GPX2: variants seen among roughly 807,000 people sequenced by gnomAD.
GPX2 encodes gastrointestinal glutathione peroxidase.
In GPX2, 21 loss-of-function variants were observed where a neutral mutation model predicts 14.1. That is an observed-to-expected ratio of 1.48 (90% CI 1.05 to 2.14). The LOEUF (loss-of-function observed/expected upper bound fraction) is 2.14, where lower values mean the gene tolerates loss of function less well. Among genes scored for constraint, GPX2 ranks in the 30% most tolerant of loss-of-function variants. The pLI is 0.00. For synonymous variants in GPX2, 94 were observed against 95.2 expected (o/e 0.99, Z 0.07); for missense variants, 241 against 249.8 (o/e 0.96, Z 0.24).
At position 64,940,500 on chromosome 14, in the gene GPX2, A is replaced by T. The variant is rs1458347853; in HGVS notation, c.223-662T>A. Among the ~76,000 whole-genome samples, 2 of 152,210 alleles carry T rather than the reference A, an allele frequency of 1.3e-5. No homozygotes were observed. The highest frequency in any genetic ancestry group is 4.8e-5 in the African/African-American group (2 of 41,458). ...CTAGAACTGAAGTACAAATGGGAAG[A>T]AGCTTTGATGAAGGAAGACCCCCAT... On this transcript the variant is annotated intron_variant, in intron 1 of 1. Transcript: ENST00000389614. The surrounding 1 kb of genome is among the most constrained non-coding windows in gnomAD (Gnocchi z 4.5).
At position 64,939,755 on chromosome 14, in the gene GPX2, G is replaced by C. The variant is rs768847590; in HGVS notation, c.306C>G (p.Val102=). 1 of 1,613,960 alleles carries C rather than the reference G, an allele frequency of 6.2e-7. No individual in the cohort carries two copies. The highest frequency in any genetic ancestry group is 1.1e-5 in the South Asian group (1 of 91,088). ...TCTGCCCATTCACCTCACATTTTTGGACAAGGGTGAAGGTGGGCTGGTATC... is the reference window on the plus strand; with the variant it reads ...TCTGCCCATTCACCTCACATTTTTGCACAAGGGTGAAGGTGGGCTGGTATC... ...GGGYQPTFTL[V]QKCEVNGQNE... The change falls in exon 2 of 2, where the codon GTC becomes GTG. Residue 102 remains valine (V), a synonymous_variant. Transcript: ENST00000389614. The surrounding 1 kb of genome is among the most constrained non-coding windows in gnomAD (Gnocchi z 5.7).
At position 64,942,631 on chromosome 14, in the gene GPX2, C is replaced by T. The variant is rs765433400; in HGVS notation, c.96G>A (p.Leu32=). The change falls in exon 1 of 2, where the codon CTG becomes CTA. Residue 32 remains leucine (L), a synonymous_variant. Transcript: ENST00000389614. ...CTCAGAGCGAAGCCACATTCTCAAT[C>T]AGCACGGCCCTGCCCCGGAACGTAT... ...DFNTFRGRAV[L]IENVASLUGT... 1 of 1,614,222 alleles carries T rather than the reference C, an allele frequency of 6.2e-7. No individual in the cohort carries two copies. The highest frequency in any genetic ancestry group is 8.5e-7 in the Non-Finnish European group (1 of 1,180,040).
Position 64,940,532 on chromosome 14 carries a change from A to T in GPX2, c.223-694T>A, listed in dbSNP as rs1444257715. 6.6e-6 allele frequency among the ~76,000 whole-genome samples: 1 copy of T among 152,202 alleles called. No individual in the cohort carries two copies. Among genetic ancestry groups the T allele is most frequent in the Non-Finnish European group, 1.5e-5 (1 of 68,036 alleles). On this transcript the variant is annotated intron_variant, in intron 1 of 1. Coordinates refer to ENST00000389614, the MANE Select transcript of GPX2 (RefSeq NM_002083.4). The surrounding 1 kb of genome is among the most constrained non-coding windows in gnomAD (Gnocchi z 4.5). ...GATGAAGGAAGACCCCCATCCAAGA[A>T]CATCTAGTTTTCAGGTGCCATAACA... is the stretch of plus-strand genomic sequence containing the variant.
In GPX2 at chr14:64,940,031, T is replaced by G; in HGVS notation, c.223-193A>C. Reference sequence around the variant, plus strand: ...TTCTGGGCTCAAGCATTCCTCCTGCTTCAGCCTCTTTAGTAGCTGAGACTA... The same window carrying G: ...TTCTGGGCTCAAGCATTCCTCCTGCGTCAGCCTCTTTAGTAGCTGAGACTA... On this transcript the variant is annotated intron_variant, in intron 1 of 1. Coordinates refer to ENST00000389614, the MANE Select transcript of GPX2 (RefSeq NM_002083.4). The surrounding 1 kb of genome is among the most constrained non-coding windows in gnomAD (Gnocchi z 4.5). 2 of 1,479,892 alleles carry G rather than the reference T, an allele frequency of 1.4e-6. No individual in the cohort carries two copies. The highest frequency in any genetic ancestry group is 1.3e-5 in the South Asian group (1 of 75,690). The allele number at this position is 1,479,892 out of a possible 1,614,324, so 91.7% of individuals were successfully genotyped here.
chr14:64,939,225 A>G lies in GPX2; in HGVS notation c.*263T>C. On this transcript the variant is annotated 3_prime_UTR_variant, in exon 2 of 2. Transcript: ENST00000389614. The surrounding 1 kb of genome is among the most constrained non-coding windows in gnomAD (Gnocchi z 5.7). ...TCCAGGCCCTTCACGCCTCTCAGAC[A>G]CCACCCATGAGGGTTTAGGAAGGTG... The G allele has an allele frequency of 2.2e-6, 1 of 456,814 alleles. No homozygotes were observed. Among genetic ancestry groups the G allele is most frequent in the Non-Finnish European group, 4.0e-6 (1 of 250,890 alleles). 28.3% of individuals were successfully genotyped at this position (456,814 alleles called of 1,614,324 possible).
Position 64,939,725 on chromosome 14 carries a change from C to T in GPX2, c.336G>A (p.Glu112=), listed in dbSNP as rs945934999. ...CCTTCAGGTAGGCGAAGACAGGATG[C>T]TCGTTCTGCCCATTCACCTCACATT... is the stretch of plus-strand genomic sequence containing the variant. ...VQKCEVNGQN[E]HPVFAYLKDK... is the part of the protein sequence containing the mutation. The change falls in exon 2 of 2, where the codon GAG becomes GAA. Residue 112 remains glutamate (E), a synonymous_variant. Coordinates refer to ENST00000389614, the MANE Select transcript of GPX2 (RefSeq NM_002083.4). The surrounding 1 kb of genome is among the most constrained non-coding windows in gnomAD (Gnocchi z 5.7). The T allele has an allele frequency of 6.2e-7, 1 of 1,613,980 alleles. No individual in the cohort carries two copies. Among genetic ancestry groups the T allele is most frequent in the Non-Finnish European group, 8.5e-7 (1 of 1,180,040 alleles).
At position 64,940,649 on chromosome 14, in the gene GPX2, G is replaced by C. The variant is rs1885582441; in HGVS notation, c.223-811C>G. Among the ~76,000 whole-genome samples, 2 of 152,222 alleles carry C rather than the reference G, an allele frequency of 1.3e-5. No homozygotes were observed. The highest frequency in any genetic ancestry group is 2.1e-4 in the South Asian group (1 of 4,828). ...TGAAGTAAATAGGATACAGGATTTA[G>C]GGTTTGGCAATAGGCCAGGGGGAGG... is the stretch of plus-strand genomic sequence containing the variant. On this transcript the variant is annotated intron_variant, in intron 1 of 1. Coordinates refer to ENST00000389614, the MANE Select transcript of GPX2 (RefSeq NM_002083.4). The surrounding 1 kb of genome is among the most constrained non-coding windows in gnomAD (Gnocchi z 4.5).
Position 64,940,063 on chromosome 14 carries a change from C to A in GPX2, c.223-225G>T, listed in dbSNP as rs1885543798. On this transcript the variant is annotated intron_variant, in intron 1 of 1. Transcript: ENST00000389614. The surrounding 1 kb of genome is among the most constrained non-coding windows in gnomAD (Gnocchi z 4.5). ...TCTTTAGTAGCTGAGACTACAGACACAGGCCACCATGCCCGGCTAATTTTT... is the reference window on the plus strand; with the variant it reads ...TCTTTAGTAGCTGAGACTACAGACAAAGGCCACCATGCCCGGCTAATTTTT... 1 of 1,470,106 alleles carries A rather than the reference C, an allele frequency of 6.8e-7. No individual in the cohort carries two copies. The allele number at this position is 1,470,106 out of a possible 1,614,324, so 91.1% of individuals were successfully genotyped here.
chr14:64,942,576 T>C lies in GPX2; in HGVS notation c.151A>G (p.Asn51Asp), dbSNP rs1180322724. 10 of 1,614,194 alleles carry C rather than the reference T, an allele frequency of 6.2e-6. No homozygotes were observed. The highest frequency in any genetic ancestry group is 6.8e-6 in the Non-Finnish European group (8 of 1,180,032). The change falls in exon 1 of 2, where the codon AAC (asparagine) becomes GAC (aspartate). Residue 51 changes from asparagine (N) to aspartate (D), a missense_variant. Transcript: ENST00000389614. ...GTTTRDFTQLNELQCRFPRRL... is the reference protein window; with the variant it reads ...GTTTRDFTQLDELQCRFPRRL... ...CTGGGAAAGCGGCATTGCAGCTCGT[T>C]GAGCTGGGTGAAGTCCCGGGTGGTT... is the stretch of plus-strand genomic sequence containing the variant.
At chr14:64,941,711 C>G (rs1885650169) in intron 1 of GPX2, among the ~76,000 whole-genome samples, 1 of 152,168 alleles carries the variant, frequency 6.6e-6, no homozygotes. Context: ...ATTCTCCCTG[C>G]TTGTACGTTA....
At chr14:64,941,365 G>C (rs1885627635) in intron 1 of GPX2, 1 of 1,275,712 alleles carries the variant, frequency 7.8e-7, no homozygotes, top group African/African-American at 1.5e-5. Context: ...ACTGTACCCT[G>C]GCAGATTTCT....
chr14:64,941,718 G>A (rs899840682), intron 1 of GPX2, among the ~76,000 whole-genome samples: 3 of 152,124 alleles, frequency 2.0e-5, no homozygotes, highest in African/African-American at 4.8e-5. Flanking sequence ...CTGCTTGTAC[G>A]TTAAAATCAT....
In GPX2 at chr14:64,940,155, A is replaced by G. The variant is rs778270141; in HGVS notation, c.223-317T>C. The stretch of plus-strand genomic sequence containing the variant: ...CTTTGGCTGCTCTTCAAGATTTAGC[A>G]CTTCTGAGCTGTTGCTTTTGTCTCC... On this transcript the variant is annotated intron_variant, in intron 1 of 1. Transcript: ENST00000389614. The surrounding 1 kb of genome is among the most constrained non-coding windows in gnomAD (Gnocchi z 4.5). The G allele has an allele frequency of 2.7e-4, 359 of 1,348,694 alleles. No homozygotes were observed. Among genetic ancestry groups the G allele is most frequent in the Non-Finnish European group, 3.3e-4 (340 of 1,029,000 alleles). The allele number at this position is 1,348,694 out of a possible 1,614,324, so 83.5% of individuals were successfully genotyped here. A position where few individuals can be genotyped will look rare whatever the true frequency, so the allele number is the denominator to read the frequency against.
rs1327784496 is a variant in GPX2 at position 64,939,782 on chromosome 14, A to AC, written c.278dup (p.Gly94TrpfsTer?). The AC allele has an allele frequency of 2.5e-6, 4 of 1,613,758 alleles. No individual in the cohort carries two copies. In the East Asian group the frequency reaches 8.9e-5, roughly 36 times the overall value. On this transcript the variant is annotated frameshift_variant, in exon 2 of 2. Transcript: ENST00000389614. LOFTEE classifies it high-confidence loss of function. The surrounding 1 kb of genome is among the most constrained non-coding windows in gnomAD (Gnocchi z 5.7). ...CAAGGGTGAAGGTGGGCTGGTATCC[A>AC]CCCCCAGGACGGACATACTTGAGAC...
chr14:64,940,208 T>G lies in GPX2; in HGVS notation c.223-370A>C. On this transcript the variant is annotated intron_variant, in intron 1 of 1. Coordinates refer to ENST00000389614, the MANE Select transcript of GPX2 (RefSeq NM_002083.4). This position sits in a 1 kb window ranked among gnomAD's most constrained non-coding sequence, Gnocchi z 4.5. ...TCTACCCTGAGCAGTTCTTAAGGTG[T>G]TTGAAGCAGAAGAAAGAGAAAAGAG... The G allele has an allele frequency of 7.7e-7, 1 of 1,304,090 alleles. No individual in the cohort carries two copies. The highest frequency in any genetic ancestry group is 1.0e-6 in the Non-Finnish European group (1 of 998,564). 80.8% of individuals were successfully genotyped at this position (1,304,090 alleles called of 1,614,324 possible).
Position 64,942,486 on chromosome 14 carries a change from A to T in GPX2, c.222+19T>A, listed in dbSNP as rs1800669. 40,624 of 1,604,084 alleles carry T rather than the reference A, an allele frequency of 0.025. 603 individuals are homozygous for T. The highest frequency in any genetic ancestry group is 0.03 in the Non-Finnish European group (35,185 of 1,171,520). ...ACCAACCCAACACTTTTGGTGCATT[A>T]CAAGGAGGGACCCCTCACCTGATGT... On this transcript the variant is annotated intron_variant, in intron 1 of 1. Coordinates refer to ENST00000389614, the MANE Select transcript of GPX2 (RefSeq NM_002083.4).
At chr14:64,941,461 C>A in intron 1 of GPX2, 1 of 1,288,754 alleles carries the variant, frequency 7.8e-7, no homozygotes, top group Non-Finnish European at 1.0e-6. Context: ...TGGTGTGAGG[C>A]TGGAGGTACT....
chr14:64,939,759 A>G lies in GPX2; in HGVS notation c.302T>C (p.Leu101Pro). 1 of 1,614,096 alleles carries G rather than the reference A, an allele frequency of 6.2e-7. No homozygotes were observed. Residue 101 changes from leucine to proline, a missense_variant, in exon 2 of 2, where the codon CTT becomes CCT. Transcript: ENST00000389614. The surrounding 1 kb of genome is among the most constrained non-coding windows in gnomAD (Gnocchi z 5.7). ...CCCATTCACCTCACATTTTTGGACA[A>G]GGGTGAAGGTGGGCTGGTATCCACC... is the stretch of plus-strand genomic sequence containing the variant. ...PGGGYQPTFT[L>P]VQKCEVNGQN...
rs1378599479 is a variant in GPX2, at chr14:64,940,387, C to T, written c.223-549G>A. ...CACGTGTGTTGAGTATAGCCTTTGC[C>T]TCTGCCTACTCAGCTCCTTGAACTG... On this transcript the variant is annotated intron_variant, in intron 1 of 1. Transcript: ENST00000389614. This position sits in a 1 kb window ranked among gnomAD's most constrained non-coding sequence, Gnocchi z 4.5. 2.0e-5 allele frequency among the ~76,000 whole-genome samples: 3 copies of T among 152,176 alleles called. No homozygotes were observed. Among genetic ancestry groups the T allele is most frequent in the East Asian group, 1.9e-4 (1 of 5,196 alleles).
Sources: allele counts gnomAD v4.1 joint callset (sites outside exome capture counted in the v4.1 genomes callset), GRCh38; gene constraint gnomAD v4.1.1; non-coding constraint Gnocchi (gnomAD v3.1); transcripts MANE v1.5; gene names NCBI Gene and HGNC (gene_info 2026-07-23, HGNC 2026-07-21).